The following PRKN variants were observed in gnomAD, a reference collection of about 807,000 sequenced individuals.
PRKN encodes parkin RBR E3 ubiquitin protein ligase, also known as E3 ubiquitin-protein ligase parkin.
Under a neutral mutation model 59.5 loss-of-function variants are expected in PRKN, and 56 were observed. The observed-to-expected ratio is 0.94, with a 90% confidence interval of 0.76 to 1.18. The LOEUF is 1.18. Among genes scored for constraint, PRKN ranks in the 50% most tolerant of loss-of-function variants. PRKN has a pLI of 0.00. For synonymous variants in PRKN, 250 were observed against 222.1 expected, an observed-to-expected ratio of 1.13 and a Z score of -1.12; for missense variants, 657 against 596.4, an observed-to-expected ratio of 1.10 and a Z score of -1.06.
At position 161,348,597 on chromosome 6, in the gene PRKN, T is replaced by C; in HGVS notation, c.*1502A>G. On this transcript the variant is annotated 3_prime_UTR_variant, in exon 12 of 12. Coordinates refer to ENST00000366898, the MANE Select transcript of PRKN (RefSeq NM_004562.3). This position sits in a 1 kb window ranked among gnomAD's most constrained non-coding sequence, Gnocchi z 4.9. ...AAAGAGGGACAGGTGTCCCAGGATG[T>C]GGAAAACTTGAGTTCATCCCCTCTC... The C allele has an allele frequency of 4.8e-6, 1 of 207,388 alleles. No individual in the cohort carries two copies. 12.8% of individuals were successfully genotyped at this position (207,388 alleles called of 1,614,324 possible).
chr6:161,531,177 C>T (rs1436164428), intron 9 of PRKN, among the ~76,000 whole-genome samples: 2 of 151,748 alleles, frequency 1.3e-5, no homozygotes, highest in Non-Finnish European at 2.9e-5. Flanking sequence ...GTCAGGAGAT[C>T]GAGACCATCC....
At chr6:162,649,737 C>A (rs182328788) in intron 1 of PRKN, among the ~76,000 whole-genome samples, 1 of 151,936 alleles carries the variant, frequency 6.6e-6, no homozygotes, top group Admixed American at 6.5e-5. Context: ...ACTAATGATA[C>A]ACATATGTAC....
intron 3 of PRKN, among the ~76,000 whole-genome samples, chr6:162,245,818 C>T (rs559303359): frequency 6.6e-6 from 1 of 152,214 alleles, no homozygotes; most frequent in East Asian, 1.9e-4. Flanking sequence ...GTCTGACTGG[C>T]AATCTCTGGA....
intron 2 of PRKN, among the ~76,000 whole-genome samples, chr6:162,384,038 T>C (rs1786644769): frequency 6.6e-6 from 1 of 152,226 alleles, no homozygotes. Flanking sequence ...TGGAATGTTG[T>C]AACTGGCTTG....
chr6:161,367,076 C>T (rs1400607903), intron 10 of PRKN, among the ~76,000 whole-genome samples: 5 of 148,830 alleles, frequency 3.4e-5, no homozygotes, highest in Admixed American at 6.7e-5. Flanking sequence ...CTGCAAGCTC[C>T]GCCTCCCGGG....
chr6:161,855,368 C>T (rs1164074716), intron 6 of PRKN, among the ~76,000 whole-genome samples: 2 of 152,158 alleles, frequency 1.3e-5, no homozygotes, highest in Non-Finnish European at 2.9e-5. Context: ...CTTTTATTCT[C>T]AAATCTCCAT....
intron 3 of PRKN, among the ~76,000 whole-genome samples, chr6:162,207,373 C>A (rs1358207370): frequency 6.6e-6 from 1 of 151,802 alleles, no homozygotes; most frequent in East Asian, 1.9e-4. Context: ...CTCTGTCCCC[C>A]CAACCAAAAA....
chr6:162,316,861 G>A (rs1782774381), intron 2 of PRKN, among the ~76,000 whole-genome samples: 1 of 152,026 alleles, frequency 6.6e-6, no homozygotes, highest in South Asian at 2.1e-4. Context: ...TATTGCCTGT[G>A]CTTTTATGTA....
chr6:162,474,546 A>T (rs537137086), intron 1 of PRKN, among the ~76,000 whole-genome samples: 1 of 152,200 alleles, frequency 6.6e-6, no homozygotes, highest in Non-Finnish European at 1.5e-5. Flanking sequence ...AGGTATTAAA[A>T]TTATTGCCAA....
chr6:162,205,183 T>C (rs1286881608), intron 3 of PRKN, among the ~76,000 whole-genome samples: 1 of 152,124 alleles, frequency 6.6e-6, no homozygotes, highest in Non-Finnish European at 1.5e-5. Context: ...TTCTTTAGTT[T>C]TCTCTCACGC....
At chr6:161,878,236 A>T (rs557106741) in intron 6 of PRKN, among the ~76,000 whole-genome samples, 8 of 152,332 alleles carry the variant, frequency 5.3e-5, no homozygotes, top group African/African-American at 1.7e-4. Context: ...ATAAATTTTT[A>T]AAATGTAATC....
intron 2 of PRKN, among the ~76,000 whole-genome samples, chr6:162,315,451 G>T (rs1045495243): frequency 6.6e-6 from 1 of 152,142 alleles, no homozygotes; most frequent in East Asian, 1.9e-4. Context: ...CAAAAGCAGG[G>T]TTGCCAGGGT....
chr6:161,426,872 C>A (rs1788389868), intron 9 of PRKN, among the ~76,000 whole-genome samples: 1 of 151,860 alleles, frequency 6.6e-6, no homozygotes, highest in African/African-American at 2.4e-5. Flanking sequence ...GCACCTGCCA[C>A]CACGCCTGGC....
chr6:161,895,181 A>G (rs933558220), intron 6 of PRKN, among the ~76,000 whole-genome samples: 2 of 152,146 alleles, frequency 1.3e-5, no homozygotes, highest in Non-Finnish European at 2.9e-5. Flanking sequence ...CAGCAGGAAA[A>G]CTCAAAATTG....
intron 1 of PRKN, among the ~76,000 whole-genome samples, chr6:162,671,135 C>G (rs1480942666): frequency 6.6e-6 from 1 of 152,152 alleles, no homozygotes; most frequent in Non-Finnish European, 1.5e-5. Context: ...ATGGAAGAAG[C>G]AGGACTACAA....
intron 4 of PRKN, among the ~76,000 whole-genome samples, chr6:162,171,658 T>C (rs1783282512): frequency 6.6e-6 from 1 of 152,134 alleles, no homozygotes; most frequent in South Asian, 2.1e-4. Flanking sequence ...CACAGACCTC[T>C]CATCCTACAA....
chr6:162,183,524 G>A (rs1161671474), intron 4 of PRKN, among the ~76,000 whole-genome samples: 3 of 152,292 alleles, frequency 2.0e-5, no homozygotes, highest in South Asian at 2.1e-4. Flanking sequence ...CTTGGTATGG[G>A]GAGGGAAAGA....
chr6:161,866,947 T>C (rs981782171), intron 6 of PRKN, among the ~76,000 whole-genome samples: 1 of 152,144 alleles, frequency 6.6e-6, no homozygotes, highest in African/African-American at 2.4e-5. Context: ...TTAATTTAAA[T>C]AGAGTCCCAC....
chr6:162,060,183 A>C (rs1208379283), intron 4 of PRKN, among the ~76,000 whole-genome samples: 1 of 152,230 alleles, frequency 6.6e-6, no homozygotes, highest in African/African-American at 2.4e-5. Context: ...CACTTTGGCT[A>C]ACATATAATC....
Sources: allele counts gnomAD v4.1 joint callset (sites outside exome capture counted in the v4.1 genomes callset), GRCh38; gene constraint gnomAD v4.1.1; non-coding constraint Gnocchi (gnomAD v3.1); transcripts MANE v1.5; gene names NCBI Gene and HGNC (gene_info 2026-07-23, HGNC 2026-07-21).